Variants in STOX2 observed in about 807,000 individuals in gnomAD.
The protein encoded by STOX2 is storkhead box 2, also known as storkhead-box protein 2.
STOX2 carries 28 observed loss-of-function variants against 60.9 expected under a neutral mutation model. That is an observed-to-expected ratio of 0.46 (90% CI 0.34 to 0.63). The LOEUF (loss-of-function observed/expected upper bound fraction) is 0.63. Ranked by LOEUF, STOX2 falls within the 30% of genes least tolerant of loss-of-function variation. The pLI is 0.01. For synonymous variants in STOX2, 472 were observed against 463.9 expected, an observed-to-expected ratio of 1.02 and a Z score of -0.22; for missense variants, 1,024 against 1,187.7, an observed-to-expected ratio of 0.86 and a Z score of 2.03.
chr4:183,874,168 C>T (rs1740759234), intron 1 of STOX2, among the ~76,000 whole-genome samples: 1 of 151,976 alleles, frequency 6.6e-6, no homozygotes, highest in Non-Finnish European at 1.5e-5. Flanking sequence ...ATTGCAGAGA[C>T]TTGGAGAAAA....
At chr4:183,986,607 G>T (rs1732851729) in intron 1 of STOX2, among the ~76,000 whole-genome samples, 1 of 152,284 alleles carries the variant, frequency 6.6e-6, no homozygotes, top group South Asian at 2.1e-4. Context: ...ACTCTAGGCA[G>T]CTAGAGAAGA....
chr4:184,015,446 C>T (rs1210039119), intron 3 of STOX2: 1 of 151,832 alleles, frequency 6.6e-6, no homozygotes, highest in African/African-American at 2.4e-5. Flanking sequence ...TGACTTCTCC[C>T]TATAAATGGA....
intron 1 of STOX2, among the ~76,000 whole-genome samples, chr4:183,846,958 G>A (rs1221101421): frequency 1.3e-5 from 2 of 152,086 alleles, no homozygotes; most frequent in Non-Finnish European, 2.9e-5. Context: ...GTGACTTTTA[G>A]AAACTAATTT....
At position 184,017,217 on chromosome 4, in the gene STOX2, C is replaced by G. The variant is rs573523276; in HGVS notation, c.2714C>G (p.Pro905Arg). ...AFNFRASAEPPTNEAEKLQKP... is the reference protein window; with the variant it reads ...AFNFRASAEPRTNEAEKLQKP... ...AACTTCCGAGCGAGCGCGGAGCCCCCGACAAATGAAGCTGAGAAGCTACAG... is the reference window on the plus strand; with the variant it reads ...AACTTCCGAGCGAGCGCGGAGCCCCGGACAAATGAAGCTGAGAAGCTACAG... Residue 905 changes from proline to arginine, a missense_variant, in exon 4 of 4, where the codon CCG becomes CGG. Coordinates refer to ENST00000308497, the MANE Select transcript of STOX2 (RefSeq NM_020225.3). The G allele has an allele frequency of 1.9e-6, 3 of 1,610,354 alleles. No homozygotes were observed. Among genetic ancestry groups the G allele is most frequent in the South Asian group, 2.2e-5 (2 of 90,158 alleles).
At chr4:184,007,833 G>A (rs761110188) in intron 2 of STOX2, among the ~76,000 whole-genome samples, 15 of 152,134 alleles carry the variant, frequency 9.9e-5, no homozygotes, top group Admixed American at 5.9e-4. Context: ...TTTTCAGAAG[G>A]ACATCAGTCG....
intron 1 of STOX2, among the ~76,000 whole-genome samples, chr4:183,981,897 C>G (rs1483894487): frequency 6.6e-6 from 1 of 152,176 alleles, no homozygotes; most frequent in African/African-American, 2.4e-5. Context: ...AAGATTGCAC[C>G]AGTGCACCCC....
At chr4:184,005,363 G>T (rs1157473784) in intron 2 of STOX2, among the ~76,000 whole-genome samples, 1 of 106,890 alleles carries the variant, frequency 9.4e-6, no homozygotes, top group Non-Finnish European at 2.2e-5. Flanking sequence ...GGTGGCTGAG[G>T]TACAATAATC....
intron 1 of STOX2, among the ~76,000 whole-genome samples, chr4:183,909,526 C>G (rs1452286270): frequency 6.6e-6 from 1 of 152,108 alleles, no homozygotes; most frequent in African/African-American, 2.4e-5. Context: ...ACAAGATAAG[C>G]CTTTCAGAGA....
In STOX2 at chr4:183,896,110, G is replaced by T. The variant is rs376377682; in HGVS notation, c.364+98055G>T. Reference sequence around the variant, plus strand: ...ACCACTGGGCATATTTTGGTGTGTGGTGCACATTGTGACAAGGGCCCTTGA... The same window carrying T: ...ACCACTGGGCATATTTTGGTGTGTGTTGCACATTGTGACAAGGGCCCTTGA... On this transcript the variant is annotated intron_variant, in intron 1 of 2. Coordinates refer to the STOX2 transcript ENST00000513034. Among the ~76,000 whole-genome samples the T allele has an allele frequency of 8.5e-5, 13 of 152,306 alleles. No homozygotes were observed. The South Asian group carries it at 1.7e-3, about 19-fold the overall frequency.
intron 1 of STOX2, among the ~76,000 whole-genome samples, chr4:183,998,294 A>G (rs1375298272): frequency 6.6e-6 from 1 of 152,120 alleles, no homozygotes; most frequent in African/African-American, 2.4e-5. Context: ...GACTTTAAAA[A>G]TCATCCCAGG....
At position 184,011,427 on chromosome 4, in the gene STOX2, G is replaced by A. The variant is rs746892814; in HGVS notation, c.2585+4G>A. On this transcript the variant is annotated splice_donor_region_variant and intron_variant, in intron 3 of 3. Transcript: ENST00000308497. This position sits in a 1 kb window ranked among gnomAD's most constrained non-coding sequence, Gnocchi z 4.4. ...ACAGTGGATTCAACTCCCCACGGTAGGGAGAGGTGTCTCTGTGCACACACA... is the reference window on the plus strand; with the variant it reads ...ACAGTGGATTCAACTCCCCACGGTAAGGAGAGGTGTCTCTGTGCACACACA... 5.0e-6 allele frequency: 8 copies of A among 1,607,342 alleles called. No homozygotes were observed. Among genetic ancestry groups the A allele is most frequent in the East Asian group, 2.2e-5 (1 of 44,864 alleles).
intron 1 of STOX2, among the ~76,000 whole-genome samples, chr4:183,817,841 C>T (rs1180109716): frequency 2.6e-5 from 4 of 152,192 alleles, no homozygotes; most frequent in Admixed American, 2.6e-4. Context: ...ATATACTTTA[C>T]AGATCACTGT....
upstream of STOX2, among the ~76,000 whole-genome samples, chr4:183,900,624 T>C (rs571659105): frequency 1.7e-4 from 26 of 152,336 alleles, no homozygotes; most frequent in Admixed American, 3.3e-4. Flanking sequence ...GAGATGCAAA[T>C]TGAAAAATCA....
chr4:183,825,133 G>A lies in STOX2; in HGVS notation c.364+27078G>A, dbSNP rs936698196. On this transcript the variant is annotated intron_variant, in intron 1 of 2. Coordinates refer to the STOX2 transcript ENST00000513034. The surrounding 1 kb of genome is among the most constrained non-coding windows in gnomAD (Gnocchi z 4.1). ...CACTTGCTGAAAAGAGGCAGAGCTA[G>A]GACTGAGCATCCAAGGTCACCCCAT... Among the ~76,000 whole-genome samples the A allele has an allele frequency of 6.6e-6, 1 of 152,218 alleles. No homozygotes were observed. The highest frequency in any genetic ancestry group is 1.5e-5 in the Non-Finnish European group (1 of 68,040).
chr4:183,902,192 A>T (rs913508199), upstream of STOX2, among the ~76,000 whole-genome samples: 1 of 152,206 alleles, frequency 6.6e-6, no homozygotes, highest in Admixed American at 6.5e-5. Flanking sequence ...ATCCTTATGG[A>T]GTTTACATTC....
intron 1 of STOX2, among the ~76,000 whole-genome samples, chr4:183,940,622 C>T (rs776157087): frequency 1.3e-5 from 2 of 152,120 alleles, no homozygotes; most frequent in Admixed American, 6.5e-5. Flanking sequence ...ATTTGAAACT[C>T]GAAGATAAGC....
intron 1 of STOX2, among the ~76,000 whole-genome samples, chr4:183,918,257 A>G (rs188503907): frequency 1.4e-4 from 22 of 152,314 alleles, no homozygotes; most frequent in Admixed American, 1.4e-3. Flanking sequence ...AAATTCACAG[A>G]ATTATTCATT....
At chr4:183,892,183 G>C (rs1374863328) in intron 1 of STOX2, among the ~76,000 whole-genome samples, 1 of 152,172 alleles carries the variant, frequency 6.6e-6, no homozygotes, top group African/African-American at 2.4e-5. Flanking sequence ...AGATGGCTCC[G>C]GGCCGCCCTC....
chr4:183,803,155 A>G (rs115828985), intron 1 of STOX2, among the ~76,000 whole-genome samples: 8,343 of 152,252 alleles, frequency 0.055, 529 homozygotes, highest in Admixed American at 0.19. Context: ...CCCATTCACT[A>G]TCATGAGAAT....
Sources: allele counts gnomAD v4.1 joint callset (sites outside exome capture counted in the v4.1 genomes callset), GRCh38; gene constraint gnomAD v4.1.1; non-coding constraint Gnocchi (gnomAD v3.1); transcripts MANE v1.5; gene names NCBI Gene and HGNC (gene_info 2026-07-23, HGNC 2026-07-21).